Variants in TMEM164 observed in about 807,000 individuals in gnomAD.
TMEM164 encodes RP13-360B22.2.
TMEM164 carries 4 observed loss-of-function variants against 18.8 expected under a neutral mutation model. The observed-to-expected ratio is 0.21, with a 90% CI of 0.10 to 0.49. TMEM164 has a LOEUF of 0.49. TMEM164 is among the 20% of genes least tolerant of loss of function. The pLI is 0.98. For synonymous variants in TMEM164, 86 were observed against 101.7 expected (o/e 0.85, Z 0.93); for missense variants, 108 against 239.9 (o/e 0.45, Z 3.63).
At chrX:110,053,531 A>T (rs1935669055) in intron 2 of TMEM164, among the ~76,000 whole-genome samples, 1 of 111,854 alleles carries the variant, frequency 8.9e-6, no homozygotes, top group Non-Finnish European at 1.9e-5. Context: ...TAAAAAAAAT[A>T]CACCTCTCCC....
downstream of TMEM164, among the ~76,000 whole-genome samples, chrX:110,178,675 A>G (rs2067311636): frequency 8.9e-6 from 1 of 112,149 alleles, no homozygotes; most frequent in South Asian, 3.7e-4. Flanking sequence ...TAGAAAAGTC[A>G]CTTATCTTGC....
chrX:110,139,923 A>G (rs1193511601), intron 4 of TMEM164, among the ~76,000 whole-genome samples: 1 of 111,189 alleles, frequency 9.0e-6, no homozygotes, highest in Non-Finnish European at 1.9e-5. Context: ...AGTAGGGTGC[A>G]TGACAGAGGT....
rs751740070 is a variant in TMEM164, at chrX:110,087,927, AC to A, written c.440+20532del. ...AGGTGCATTGCTGGATGGAGAGAGG[AC>A]TGTAGGCTGCATGTGAGCCAAGGTA... On this transcript the variant is annotated intron_variant, in intron 3 of 6. Coordinates refer to ENST00000372068, the MANE Select transcript of TMEM164 (RefSeq NM_032227.4). Among the ~76,000 whole-genome samples, 159 of 111,543 alleles carry A rather than the reference AC, an allele frequency of 1.4e-3. 1 individual carries two copies. The highest frequency in any genetic ancestry group is 2.3e-3 in the Non-Finnish European group (121 of 53,034).
chrX:110,057,094 C>T (rs909229838), intron 2 of TMEM164, among the ~76,000 whole-genome samples: 3 of 110,605 alleles, frequency 2.7e-5, no homozygotes, highest in Admixed American at 9.7e-5. Context: ...GTATTTTCAC[C>T]TATAGTCGCC....
At chrX:110,123,788 G>C (rs1318726096) in intron 4 of TMEM164, among the ~76,000 whole-genome samples, 4 of 111,367 alleles carry the variant, frequency 3.6e-5, no homozygotes, top group African/African-American at 9.8e-5. Context: ...ACCAGCCTGG[G>C]CAACAAAGTG....
chrX:110,072,653 A>C (rs1002885992), intron 3 of TMEM164, among the ~76,000 whole-genome samples: 2 of 110,815 alleles, frequency 1.8e-5, no homozygotes, highest in South Asian at 3.8e-4. Flanking sequence ...GTTAGTAAGC[A>C]CTTATCTGTT....
At chrX:110,074,606 G>A (rs764305164) in intron 3 of TMEM164, among the ~76,000 whole-genome samples, 9 of 111,866 alleles carry the variant, frequency 8.0e-5, no homozygotes, top group Non-Finnish European at 7.5e-5. Flanking sequence ...ACATTTAAAT[G>A]TTTAAGTCAT....
chrX:110,032,709 A>G (rs1234430591), intron 2 of TMEM164, among the ~76,000 whole-genome samples: 6 of 111,954 alleles, frequency 5.4e-5, no homozygotes, highest in Admixed American at 9.5e-5. Flanking sequence ...TGTTGTCATC[A>G]TGACTACTTA....
chrX:110,084,054 T>C, intron 3 of TMEM164, among the ~76,000 whole-genome samples: 1 of 111,119 alleles, frequency 9.0e-6, no homozygotes, highest in Non-Finnish European at 1.9e-5. Context: ...GTCTTGCTTC[T>C]GATTTTAATG....
At chrX:110,161,383 G>T (rs756178027) in intron 5 of TMEM164, among the ~76,000 whole-genome samples, 4 of 111,338 alleles carry the variant, frequency 3.6e-5, no homozygotes, top group Non-Finnish European at 7.5e-5. Context: ...TACTGGTCAG[G>T]TAAGGGCAGG....
intron 2 of TMEM164, among the ~76,000 whole-genome samples, chrX:110,022,902 C>T (rs1933980560): frequency 8.9e-6 from 1 of 112,171 alleles, no homozygotes; most frequent in Middle Eastern, 4.7e-3. Context: ...CGTCGTTTTG[C>T]AGATAGAGAA....
intron 2 of TMEM164, among the ~76,000 whole-genome samples, chrX:110,043,756 T>A (rs746049999): frequency 3.0e-4 from 34 of 112,671 alleles, no homozygotes; most frequent in Admixed American, 2.3e-3. Context: ...TAAACCCATC[T>A]GCCAGAGATA....
chrX:110,090,441 GACTTCAGGCACATGCC>G (rs1158965096), intron 3 of TMEM164, among the ~76,000 whole-genome samples: 2 of 109,483 alleles, frequency 1.8e-5, no homozygotes, highest in African/African-American at 3.3e-5. Context: ...GAGTAGCTGG[GACTTCAGGCACATGCC>G]ACCACACTCG....
chrX:110,104,134 A>G (rs778959932), intron 3 of TMEM164, among the ~76,000 whole-genome samples: 1 of 112,320 alleles, frequency 8.9e-6, no homozygotes, highest in Non-Finnish European at 1.9e-5. Flanking sequence ...GTTAAAATTT[A>G]TCAAAGCTTA....
At chrX:110,016,660 A>AT (rs751344784) in intron 2 of TMEM164, among the ~76,000 whole-genome samples, 146 of 106,182 alleles carry the variant, frequency 1.4e-3, no homozygotes, top group South Asian at 8.8e-3. Context: ...GTTTCATGTA[A>AT]TTTTTTGTTT....
intron 4 of TMEM164, among the ~76,000 whole-genome samples, chrX:110,118,069 C>A (rs2066397583): frequency 8.9e-6 from 1 of 111,925 alleles, no homozygotes; most frequent in Admixed American, 9.5e-5. Flanking sequence ...TGCGCCACCA[C>A]GCCCGGCTAA....
intron 4 of TMEM164, among the ~76,000 whole-genome samples, chrX:110,111,567 G>A (rs1315386261): frequency 8.9e-6 from 1 of 112,164 alleles, no homozygotes; most frequent in Admixed American, 9.4e-5. Flanking sequence ...GGCTAATAGA[G>A]TTAGTGATCC....
Position 110,173,678 on chromosome X carries a change from T to C in TMEM164, c.*227T>C. 2.4e-6 allele frequency: 1 copy of C among 411,247 alleles called. No individual in the cohort carries two copies. Among genetic ancestry groups the C allele is most frequent in the East Asian group, 4.1e-5 (1 of 24,536 alleles). The allele number at this position is 411,247 out of a possible 1,213,427, so 33.9% of individuals were successfully genotyped here. Reference sequence around the variant, plus strand: ...GTGCTGGGCGCTGGATTTTCCTCCTTCCCTTTGGCTCTCTCTCTGCTCCTA... The same window carrying C: ...GTGCTGGGCGCTGGATTTTCCTCCTCCCCTTTGGCTCTCTCTCTGCTCCTA... On this transcript the variant is annotated 3_prime_UTR_variant, in exon 7 of 7. Coordinates refer to ENST00000372068, the MANE Select transcript of TMEM164 (RefSeq NM_032227.4).
At chrX:110,047,456 A>G (rs1408942796) in intron 2 of TMEM164, among the ~76,000 whole-genome samples, 3 of 112,201 alleles carry the variant, frequency 2.7e-5, no homozygotes, top group Non-Finnish European at 5.6e-5. Flanking sequence ...GTCTTTCTTT[A>G]GAGTGAAAAT....
Sources: gnomAD v4.1 joint callset for allele counts (sites outside exome capture counted in the v4.1 genomes callset) on GRCh38, gnomAD v4.1.1 for gene constraint, MANE v1.5 for transcripts, NCBI Gene and HGNC (gene_info 2026-07-23, HGNC 2026-07-21) for gene names.